CLNS1A: variants seen among roughly 807,000 people sequenced by gnomAD.
CLNS1A encodes the protein methylosome subunit pICln.
A neutral mutation model predicts 29.4 loss-of-function variants in CLNS1A; 16 were observed. That is an observed-to-expected ratio of 0.54 (90% CI 0.37 to 0.83). CLNS1A has a LOEUF of 0.83. CLNS1A is among the 40% of genes least tolerant of loss of function. CLNS1A has a pLI of 0.00. For missense variants in CLNS1A, 235 were observed against 287.4 expected, an observed-to-expected ratio of 0.82 and a Z score of 1.32; for synonymous variants, 96 against 104.8, an observed-to-expected ratio of 0.92 and a Z score of 0.51.
At chr11:77,621,362 CTG>C (rs1254331727) in intron 5 of CLNS1A, among the ~76,000 whole-genome samples, 2 of 152,014 alleles carry the variant, frequency 1.3e-5, no homozygotes, top group African/African-American at 4.8e-5. Context: ...GGACACAAGA[CTG>C]AAAGGATATG....
intron 6 of CLNS1A, among the ~76,000 whole-genome samples, chr11:77,618,890 TATAA>T (rs1012060799): frequency 6.6e-6 from 1 of 152,206 alleles, no homozygotes; most frequent in Non-Finnish European, 1.5e-5. Flanking sequence ...AGTCAAAACA[TATAA>T]ATCTTACCAT....
chr11:77,626,500 G>A (rs191501170), intron 2 of CLNS1A, among the ~76,000 whole-genome samples: 4,910 of 152,100 alleles, frequency 0.032, 111 homozygotes, highest in Middle Eastern at 0.068. Flanking sequence ...TTAGCAAGGC[G>A]TGGTGGCAGG....
At chr11:77,637,202 A>C (rs1285382922) in intron 1 of CLNS1A, among the ~76,000 whole-genome samples, 1 of 145,766 alleles carries the variant, frequency 6.9e-6, no homozygotes. Flanking sequence ...ACCGTGCGTT[A>C]AGGGCAACGC....
chr11:77,634,590 G>A (rs1057030689), intron 1 of CLNS1A, among the ~76,000 whole-genome samples: 18 of 151,912 alleles, frequency 1.2e-4, no homozygotes, highest in African/African-American at 4.4e-4. Context: ...TGGGCGTGGT[G>A]GAGCACGTCT....
chr11:77,615,581 TTA>T lies in CLNS1A; in HGVS notation c.*1135_*1136del, dbSNP rs1158327163. ...GCTAGTACAGAGGTCTCAGTAAATT[TTA>T]GTTTCCATTTCAAGTGGCTGTTTTA... On this transcript the variant is annotated 3_prime_UTR_variant, in exon 7 of 7. Transcript: ENST00000525428. 2 of 152,226 alleles carry T rather than the reference TTA, an allele frequency of 1.3e-5. No homozygotes were observed. Among genetic ancestry groups the T allele is most frequent in the African/African-American group, 4.8e-5 (2 of 41,454 alleles). 9.4% of individuals were successfully genotyped at this position (152,226 alleles called of 1,614,324 possible).
chr11:77,615,373 G>A lies in CLNS1A; in HGVS notation c.*1345C>T, dbSNP rs1243924510. On this transcript the variant is annotated 3_prime_UTR_variant, in exon 7 of 7. Transcript: ENST00000525428. ...GCATGCTTTCTGCTGCTGGTAGGTG[G>A]TAAGGCTGTATGATGTTTTAAAGCA... is the stretch of plus-strand genomic sequence containing the variant. 4 of 152,156 alleles carry A rather than the reference G, an allele frequency of 2.6e-5. No individual in the cohort carries two copies. Among genetic ancestry groups the A allele is most frequent in the Non-Finnish European group, 5.9e-5 (4 of 68,032 alleles). 9.4% of individuals were successfully genotyped at this position (152,156 alleles called of 1,614,324 possible).
chr11:77,622,096 C>G (rs992921529), intron 5 of CLNS1A: 1 of 456,520 alleles, frequency 2.2e-6, no homozygotes, highest in Non-Finnish European at 4.4e-6. Context: ...TCGTGGACTT[C>G]TAGCCTCCAA....
At chr11:77,620,360 GCTC>G (rs1283832643) in intron 5 of CLNS1A, among the ~76,000 whole-genome samples, 1 of 152,188 alleles carries the variant, frequency 6.6e-6, no homozygotes, top group African/African-American at 2.4e-5. Flanking sequence ...GATGTGATTT[GCTC>G]CTCGTCTTCC....
intron 6 of CLNS1A, among the ~76,000 whole-genome samples, chr11:77,618,863 C>T (rs1958929740): frequency 6.6e-6 from 1 of 152,194 alleles, no homozygotes; most frequent in African/African-American, 2.4e-5. Context: ...GGATGACTGA[C>T]AGTGGTAGCA....
chr11:77,621,870 C>T (rs1958961853), intron 5 of CLNS1A: 26 of 431,896 alleles, frequency 6.0e-5, no homozygotes, highest in South Asian at 4.4e-4. Context: ...ACTCACCTCC[C>T]CTGAGCAAGA....
In CLNS1A at chr11:77,625,780, C is replaced by T. The variant is rs1465283293; in HGVS notation, c.301G>A (p.Asp101Asn). 6.2e-6 allele frequency: 10 copies of T among 1,602,492 alleles called. No individual in the cohort carries two copies. Among genetic ancestry groups the T allele is most frequent in the Non-Finnish European group, 8.5e-6 (10 of 1,169,654 alleles). ...KEPVADEEEE[D>N]SDDDVEPITE... ...ATAGGTTCAACATCATCATCACTGTCTTCCTCTTCTTCATCAGCAACAGGT... is the reference window on the plus strand; with the variant it reads ...ATAGGTTCAACATCATCATCACTGTTTTCCTCTTCTTCATCAGCAACAGGT... Residue 101 changes from aspartate to asparagine, a missense_variant, in exon 3 of 7, where the codon GAC becomes AAC. Transcript: ENST00000525428.
chr11:77,625,624 G>C, intron 3 of CLNS1A, 93 bp downstream of exon 3: 1 of 1,057,268 alleles, frequency 9.5e-7, no homozygotes, highest in South Asian at 1.7e-5. Context: ...GGTGGTAAAG[G>C]TGAGAGGTGT....
rs746629719 is a variant in CLNS1A, at chr11:77,616,616, G to A, written c.*102C>T. ...AAAGAACTGGTTCAGGTTGGGTTTTGGAAAAGGAAAAAGACTTTCATTAAC... is the reference window on the plus strand; with the variant it reads ...AAAGAACTGGTTCAGGTTGGGTTTTAGAAAAGGAAAAAGACTTTCATTAAC... On this transcript the variant is annotated 3_prime_UTR_variant, in exon 7 of 7. Transcript: ENST00000525428. The A allele has an allele frequency of 6.6e-6, 1 of 152,526 alleles. No individual in the cohort carries two copies. Among genetic ancestry groups the A allele is most frequent in the African/African-American group, 2.4e-5 (1 of 41,410 alleles). The allele number at this position is 152,526 out of a possible 1,614,324, so 9.4% of individuals were successfully genotyped here.
Position 77,616,330 on chromosome 11 carries a change from G to C in CLNS1A, c.*388C>G, listed in dbSNP as rs1958905195. 1 of 152,200 alleles carries C rather than the reference G, an allele frequency of 6.6e-6. No individual in the cohort carries two copies. Among genetic ancestry groups the C allele is most frequent in the African/African-American group, 2.4e-5 (1 of 41,414 alleles). The allele number at this position is 152,200 out of a possible 1,614,324, so 9.4% of individuals were successfully genotyped here. ...TAACAGCAGACTGGTAAAACATGGC[G>C]AAAGGAGCTCTCTCTTTCCCCCGCA... On this transcript the variant is annotated 3_prime_UTR_variant, in exon 7 of 7. Transcript: ENST00000525428.
chr11:77,625,718 C>A lies in CLNS1A; in HGVS notation c.363G>T (p.Ala121=), dbSNP rs139072243. 1.2e-6 allele frequency: 2 copies of A among 1,609,818 alleles called. No individual in the cohort carries two copies. The highest frequency in any genetic ancestry group is 3.4e-5 in the Admixed American group (2 of 59,420). ...GAATCAATACTGTAGAACACTCACA[C>A]GCTGATTTATCACTAGGCACAAATC... ...EFRFVPSDKS[A]LEAMFTAMCE... is the part of the protein sequence containing the mutation. Residue 121 remains alanine, a splice_region_variant and synonymous_variant, in exon 3 of 7, where the codon GCG becomes GCT. Coordinates refer to ENST00000525428, the MANE Select transcript of CLNS1A (RefSeq NM_001293.3).
rs772979604 is a variant in CLNS1A at position 77,625,080 on chromosome 11, GAA to G, written c.365-12_365-11del. 9 of 1,575,890 alleles carry G rather than the reference GAA, an allele frequency of 5.7e-6. No homozygotes were observed. Among genetic ancestry groups the G allele is most frequent in the Non-Finnish European group, 7.8e-6 (9 of 1,151,644 alleles). On this transcript the variant is annotated splice_polypyrimidine_tract_variant and intron_variant, in intron 3 of 6. Coordinates refer to ENST00000525428, the MANE Select transcript of CLNS1A (RefSeq NM_001293.3). ...GTGAACATTGCCTCCACTGAACAAG[GAA>G]ATTAAACTGTAACCAATCTTTTTTT...
At chr11:77,624,705 G>C (rs754783925) in intron 4 of CLNS1A, among the ~76,000 whole-genome samples, 2 of 152,088 alleles carry the variant, frequency 1.3e-5, no homozygotes, top group Non-Finnish European at 2.9e-5. Context: ...TGTAATCCCA[G>C]CTACTTGGAA....
intron 2 of CLNS1A, among the ~76,000 whole-genome samples, chr11:77,627,424 CAA>C (rs1222060189): frequency 7.0e-6 from 1 of 143,768 alleles, no homozygotes; most frequent in Non-Finnish European, 1.5e-5. Flanking sequence ...GGCGACAGAG[CAA>C]GACTCCATCT....
chr11:77,630,319 A>C (rs1959061778), intron 1 of CLNS1A, among the ~76,000 whole-genome samples: 1 of 152,176 alleles, frequency 6.6e-6, no homozygotes, highest in Admixed American at 6.5e-5. Context: ...CTCTGTGGTA[A>C]TGAGTCTTAT....
Sources: allele counts gnomAD v4.1 joint callset (sites outside exome capture counted in the v4.1 genomes callset), GRCh38; gene constraint gnomAD v4.1.1; transcripts MANE v1.5; gene names NCBI Gene and HGNC (gene_info 2026-07-23, HGNC 2026-07-21).